FRY: variants seen among roughly 807,000 people sequenced by gnomAD.
FRY encodes the protein FRY microtubule binding protein, also known as protein furry homolog.
A neutral mutation model predicts 348.4 loss-of-function variants in FRY; 128 were observed. That is an observed-to-expected ratio of 0.37 (90% CI 0.32 to 0.43). FRY has a LOEUF of 0.43. FRY is among the 20% of genes least tolerant of loss of function. The probability of loss-of-function intolerance (pLI) is 1.00; values close to 1 mark genes in which losing one functional copy is unlikely to be tolerated. For synonymous variants in FRY, 1,370 were observed against 1,374.7 expected (o/e 1.00, Z 0.08); for missense variants, 2,736 against 3,695.2 (o/e 0.74, Z 6.73).
rs181641768 is a variant in FRY, at chr13:32,170,423, G to A, written c.1893-589G>A. On this transcript the variant is annotated intron_variant, in intron 17 of 60. Transcript: ENST00000542859. Reference sequence around the variant, plus strand: ...AGTTCTTAGTTTTGATCAGTGTACCGTAGTTATATAAGATGTTAACATTAG... The same window carrying A: ...AGTTCTTAGTTTTGATCAGTGTACCATAGTTATATAAGATGTTAACATTAG... Among the ~76,000 whole-genome samples, 47 of 152,304 alleles carry A rather than the reference G, an allele frequency of 3.1e-4. 2 individuals carry two copies. Among genetic ancestry groups the A allele is most frequent in the African/African-American group, 9.9e-4 (41 of 41,566 alleles).
intron 1 of FRY, among the ~76,000 whole-genome samples, chr13:32,054,346 A>G (rs1308849815): frequency 1.3e-5 from 2 of 152,026 alleles, no homozygotes; most frequent in African/African-American, 4.8e-5. Flanking sequence ...GAATTTATGC[A>G]TTTATCAAGT....
At chr13:32,145,919 T>C (rs1880414076) in intron 11 of FRY, among the ~76,000 whole-genome samples, 1 of 152,130 alleles carries the variant, frequency 6.6e-6, no homozygotes, top group South Asian at 2.1e-4. Context: ...GCTGCAGACA[T>C]TGGACTTCCT....
Position 32,178,384 on chromosome 13 carries a change from T to G in FRY, c.2629T>G (p.Trp877Gly). 1.2e-6 allele frequency: 2 copies of G among 1,614,172 alleles called. No individual in the cohort carries two copies. The highest frequency in any genetic ancestry group is 2.7e-5 in the African/African-American group (2 of 75,066). Residue 877 changes from tryptophan (W) to glycine (G), a missense_variant, in exon 21 of 61, where the codon TGG becomes GGG. Physicochemically the swap from Trp to Gly is radical, Grantham distance 184 (BLOSUM62 -2). This residue lies in a region of FRY where 449 missense variants were observed against 576.9 expected (regional missense o/e 0.78). Coordinates refer to ENST00000542859, the MANE Select transcript of FRY (RefSeq NM_023037.3). ...CTGCCCCACAGCCCTCAGCTATGCC[T>G]GGCCTTATGCCTTCACTCGGCTCCA... The part of the protein sequence containing the change: ...KHCPTALSYA[W>G]PYAFTRLQSV...
chr13:32,292,815 A>AATAC (rs1361086503), intron 59 of FRY, among the ~76,000 whole-genome samples: 1 of 151,580 alleles, frequency 6.6e-6, no homozygotes, highest in Non-Finnish European at 1.5e-5. Flanking sequence ...TAAATAAATA[A>AATAC]ATAAATAAAT....
intron 36 of FRY, among the ~76,000 whole-genome samples, chr13:32,220,175 C>T (rs1236494802): frequency 6.6e-6 from 1 of 152,146 alleles, no homozygotes; most frequent in African/African-American, 2.4e-5. Context: ...TAAGTTGGTG[C>T]TTTGAATTGT....
chr13:32,049,521 G>A (rs1873210300), intron 1 of FRY, among the ~76,000 whole-genome samples: 1 of 152,052 alleles, frequency 6.6e-6, no homozygotes, highest in Non-Finnish European at 1.5e-5. Context: ...TGCAAGCTCC[G>A]CCTCCCGGGT....
At chr13:32,061,137 G>A (rs779855076) in intron 1 of FRY, 2 of 533,406 alleles carry the variant, frequency 3.7e-6, no homozygotes, top group Non-Finnish European at 7.7e-6. Flanking sequence ...AGACGATCCT[G>A]TGTGATCAGC....
At chr13:32,064,741 T>C (rs555718288) in intron 1 of FRY, among the ~76,000 whole-genome samples, 2 of 152,366 alleles carry the variant, frequency 1.3e-5, no homozygotes, top group Admixed American at 6.5e-5. Context: ...ACTTTAAAAA[T>C]CTTCCAAGCT....
At chr13:32,241,057 C>T (rs1382262172) in intron 46 of FRY, among the ~76,000 whole-genome samples, 4 of 152,322 alleles carry the variant, frequency 2.6e-5, no homozygotes, top group Non-Finnish European at 2.9e-5. Context: ...TTTTAAGGAA[C>T]CTCTCATAAG....
chr13:32,218,538 G>GCAC (rs1378743144), intron 35 of FRY, among the ~76,000 whole-genome samples: 3 of 152,030 alleles, frequency 2.0e-5, no homozygotes, highest in African/African-American at 7.3e-5. Context: ...AATTAGCTGG[G>GCAC]TGTGGTGGTG....
chr13:32,278,582 T>C (rs1395185561), intron 58 of FRY, 34 bp downstream of exon 58: 1 of 1,081,482 alleles, frequency 9.2e-7, no homozygotes, highest in Non-Finnish European at 1.4e-6. Context: ...GTCTCTTGTG[T>C]GCTCTAACAT....
intron 36 of FRY, among the ~76,000 whole-genome samples, chr13:32,220,881 A>C (rs1334180848): frequency 2.0e-5 from 3 of 152,350 alleles, no homozygotes; most frequent in East Asian, 3.9e-4. Context: ...TTATCTGAGA[A>C]GTTAATTTGT....
At chr13:32,142,579 A>G (rs1442777201) in intron 11 of FRY, among the ~76,000 whole-genome samples, 1 of 152,194 alleles carries the variant, frequency 6.6e-6, no homozygotes, top group Non-Finnish European at 1.5e-5. Context: ...TTCAATTGAC[A>G]TCTTGTTATG....
chr13:32,244,266 T>C, intron 47 of FRY, 84 bp downstream of exon 47: 1 of 1,278,166 alleles, frequency 7.8e-7, no homozygotes, highest in Non-Finnish European at 1.1e-6. Context: ...CAAAACCATC[T>C]GGGTGCCAGG....
At chr13:32,166,898 CA>C (rs979939889) in intron 17 of FRY, among the ~76,000 whole-genome samples, 61 of 152,216 alleles carry the variant, frequency 4.0e-4, no homozygotes, top group African/African-American at 1.3e-3. Flanking sequence ...CTTCTTCCTC[CA>C]GGAATATTTT....
intron 7 of FRY, among the ~76,000 whole-genome samples, chr13:32,129,394 T>C (rs1879216229): frequency 6.6e-6 from 1 of 152,208 alleles, no homozygotes; most frequent in South Asian, 2.1e-4. Flanking sequence ...TTTTTGTAAA[T>C]TTAATAAAGT....
intron 36 of FRY, 138 bp from the exon 37 acceptor site, chr13:32,224,097 C>CT: frequency 1.5e-6 from 1 of 672,468 alleles, no homozygotes; most frequent in Non-Finnish European, 2.4e-6. Context: ...GACCCTGTCC[C>CT]TAAAAAAAAT....
rs192527808 is a variant in FRY at position 32,134,454 on chromosome 13, A to G, written c.886-450A>G. Reference sequence around the variant, plus strand: ...AGCTCTGTGCCTGAGGCTGTCAGGCATAGGGCCTAAAATAAGTTCGATGTC... The same window carrying G: ...AGCTCTGTGCCTGAGGCTGTCAGGCGTAGGGCCTAAAATAAGTTCGATGTC... On this transcript the variant is annotated intron_variant, in intron 8 of 60. Coordinates refer to ENST00000542859, the MANE Select transcript of FRY (RefSeq NM_023037.3). Among the ~76,000 whole-genome samples, 161 of 152,346 alleles carry G rather than the reference A, an allele frequency of 1.1e-3. 1 individual carries two copies. Among genetic ancestry groups the G allele is most frequent in the Non-Finnish European group, 1.8e-3 (125 of 68,038 alleles).
At chr13:32,059,118 C>A (rs1873789144) in intron 1 of FRY, among the ~76,000 whole-genome samples, 1 of 152,108 alleles carries the variant, frequency 6.6e-6, no homozygotes, top group African/African-American at 2.4e-5. Flanking sequence ...CCTTTTCTAC[C>A]TTTTTTTCTC....
Sources: allele counts gnomAD v4.1 joint callset (sites outside exome capture counted in the v4.1 genomes callset), GRCh38; gene constraint gnomAD v4.1.1; regional missense constraint gnomAD v4.1.1; transcripts MANE v1.5; gene names NCBI Gene and HGNC (gene_info 2026-07-23, HGNC 2026-07-21).